The following BAIAP2 variants were observed in gnomAD, a reference collection of about 807,000 sequenced individuals.
BAIAP2 encodes the protein BAR/IMD domain-containing adapter protein 2.
Under a neutral mutation model 63.0 loss-of-function variants are expected in BAIAP2, and 18 were observed. The ratio of observed to expected loss-of-function variants is 0.29; its 90% confidence interval spans 0.20 to 0.42. The LOEUF (loss-of-function observed/expected upper bound fraction) is 0.42, where lower values mean the gene tolerates loss of function less well. BAIAP2 is among the 10% of genes least tolerant of loss of function. The pLI is 1.00. For missense variants in BAIAP2, 610 were observed against 734.3 expected, an observed-to-expected ratio of 0.83 and a Z score of 1.96; for synonymous variants, 386 against 307.6, an observed-to-expected ratio of 1.25 and a Z score of -2.67.
intron 3 of BAIAP2, among the ~76,000 whole-genome samples, chr17:81,072,382 C>T (rs2052845503): frequency 6.6e-6 from 1 of 152,246 alleles, no homozygotes; most frequent in Non-Finnish European, 1.5e-5. Context: ...GTCCCTATGT[C>T]CATGCCTTGT....
chr17:81,074,558 CCTGTTCGTGTGCGTGCATGGATGT>C (rs2053304354), intron 3 of BAIAP2, among the ~76,000 whole-genome samples: 1 of 138,884 alleles, frequency 7.2e-6, no homozygotes, highest in Non-Finnish European at 1.5e-5. Flanking sequence ...TGTGTGAGTG[CCTGTTCGTGTGCGTGCATGGATGT>C]GTGAGTGCCT....
chr17:81,062,892 G>A (rs1041512064), intron 3 of BAIAP2, among the ~76,000 whole-genome samples: 5 of 151,938 alleles, frequency 3.3e-5, no homozygotes, highest in Non-Finnish European at 7.4e-5. Context: ...CCTTGGTGCT[G>A]ATTTTATGTG....
chr17:81,103,917 C>T lies in BAIAP2; in HGVS notation c.875C>T (p.Ala292Val), dbSNP rs1358447063. The change falls in exon 9 of 14, where the codon GCC becomes GTC. Residue 292 changes from alanine (A) to valine (V), a missense_variant. Ala to Val is a moderately conservative substitution (Grantham distance 64, BLOSUM62 0). Transcript: ENST00000428708. Reference protein sequence around the residue: ...ELAPFVGRMSAQESTPIMNGV... With the variant: ...ELAPFVGRMSVQESTPIMNGV... ...CCTGCTTCCCTGCAGCGGATGTCTGCCCAGGAGAGCACACCCATCATGAAC... is the reference window on the plus strand; with the variant it reads ...CCTGCTTCCCTGCAGCGGATGTCTGTCCAGGAGAGCACACCCATCATGAAC... The T allele has an allele frequency of 1.1e-5, 18 of 1,612,954 alleles. No homozygotes were observed. Among genetic ancestry groups the T allele is most frequent in the Admixed American group, 1.7e-5 (1 of 60,028 alleles).
chr17:81,092,618 C>T (rs78751020), intron 6 of BAIAP2, among the ~76,000 whole-genome samples: 3,146 of 152,288 alleles, frequency 0.021, 115 homozygotes, highest in African/African-American at 0.073. Flanking sequence ...GGTCAGGGCA[C>T]TGGGGCTAGG....
At chr17:81,084,729 G>A in intron 3 of BAIAP2, 103 bp from the exon 4 acceptor site, 1 of 1,155,298 alleles carries the variant, frequency 8.7e-7, no homozygotes, top group Non-Finnish European at 1.3e-6. Flanking sequence ...TGCTGCCTGT[G>A]GTCACAGGGC....
intron 3 of BAIAP2, among the ~76,000 whole-genome samples, chr17:81,071,796 G>A (rs150228949): frequency 4.7e-4 from 71 of 152,358 alleles, no homozygotes; most frequent in Middle Eastern, 3.4e-3. Flanking sequence ...TCTGCCATCC[G>A]AGCTCTGTCC....
At chr17:81,093,689 C>T (rs1269556664) in intron 6 of BAIAP2, among the ~76,000 whole-genome samples, 1 of 152,138 alleles carries the variant, frequency 6.6e-6, no homozygotes, top group East Asian at 1.9e-4. Context: ...CTCCGGCTGC[C>T]CCCCATCTCT....
intron 3 of BAIAP2, among the ~76,000 whole-genome samples, chr17:81,078,392 A>G (rs1388356996): frequency 1.1e-5 from 1 of 91,072 alleles, no homozygotes; most frequent in Non-Finnish European, 2.2e-5. Context: ...CGGGTGCCGT[A>G]TTGGGTGGGA....
At position 81,103,962 on chromosome 17, in the gene BAIAP2, G is replaced by A. The variant is rs2058819288; in HGVS notation, c.920G>A (p.Gly307Asp). The A allele has an allele frequency of 6.2e-7, 1 of 1,613,064 alleles. No individual in the cohort carries two copies. Among genetic ancestry groups the A allele is most frequent in the Non-Finnish European group, 8.5e-7 (1 of 1,180,028 alleles). The stretch of plus-strand genomic sequence containing the variant: ...ATGAACGGCGTCACAGGCCCGGATG[G>A]CGAGGACTACAGCCCGTGGGCTGAC... ...PIMNGVTGPD[G>D]EDYSPWADRK... is the part of the protein sequence containing the mutation. The change falls in exon 9 of 14, where the codon GGC (glycine) becomes GAC (aspartate). Residue 307 changes from glycine to aspartate, a missense_variant. By Grantham distance (94) the Gly-to-Asp change is moderately conservative (BLOSUM62 -1). Transcript: ENST00000428708.
chr17:81,114,863 C>T (rs1250918539), intron 13 of BAIAP2, among the ~76,000 whole-genome samples: 1 of 152,230 alleles, frequency 6.6e-6, no homozygotes, highest in Non-Finnish European at 1.5e-5. Context: ...CTTGTGGACC[C>T]AGCTGTGCCA....
intron 1 of BAIAP2, among the ~76,000 whole-genome samples, chr17:81,038,194 C>T (rs915541421): frequency 6.6e-6 from 1 of 152,262 alleles, no homozygotes; most frequent in Non-Finnish European, 1.5e-5. Context: ...CTGCCTCCCC[C>T]GGTGGCCTTT....
intron 1 of BAIAP2, among the ~76,000 whole-genome samples, chr17:81,049,557 C>T (rs915699617): frequency 6.6e-6 from 1 of 152,246 alleles, no homozygotes; most frequent in Non-Finnish European, 1.5e-5. Context: ...TCCCCTGCCC[C>T]AGCACTGTCA....
intron 1 of BAIAP2, among the ~76,000 whole-genome samples, chr17:81,041,883 G>T (rs955179503): frequency 3.0e-4 from 45 of 152,274 alleles, no homozygotes; most frequent in African/African-American, 1.1e-3. Context: ...TGTTTGGGTA[G>T]ATTTTTCAAT....
At chr17:81,050,288 G>A (rs368763670) in intron 1 of BAIAP2, among the ~76,000 whole-genome samples, 11 of 152,224 alleles carry the variant, frequency 7.2e-5, no homozygotes, top group Admixed American at 6.5e-5. Flanking sequence ...CAGCACTTGC[G>A]TGTCCCGGCC....
chr17:81,067,665 A>G (rs947407130), intron 3 of BAIAP2, among the ~76,000 whole-genome samples: 6 of 152,190 alleles, frequency 3.9e-5, no homozygotes, highest in African/African-American at 1.4e-4. Flanking sequence ...TCACTCAGCA[A>G]GAGGCTCTGA....
intron 6 of BAIAP2, among the ~76,000 whole-genome samples, chr17:81,090,994 T>C (rs901995448): frequency 3.8e-4 from 58 of 152,250 alleles, no homozygotes; most frequent in African/African-American, 1.4e-3. Flanking sequence ...GGAACTGGGC[T>C]GGCTGGCCCC....
At chr17:81,078,677 C>T (rs1019338806) in intron 3 of BAIAP2, among the ~76,000 whole-genome samples, 1 of 148,794 alleles carries the variant, frequency 6.7e-6, no homozygotes, top group Admixed American at 6.7e-5. Flanking sequence ...GGTGCTGTCT[C>T]GGGTGGGAGC....
At chr17:81,042,860 A>C (rs1374901875) in intron 1 of BAIAP2, among the ~76,000 whole-genome samples, 1 of 151,312 alleles carries the variant, frequency 6.6e-6, no homozygotes, top group Non-Finnish European at 1.5e-5. Flanking sequence ...TGCTGCTTCC[A>C]GGCGGGGCTT....
chr17:81,036,705 G>T (rs2046317858), intron 1 of BAIAP2, among the ~76,000 whole-genome samples: 1 of 152,250 alleles, frequency 6.6e-6, no homozygotes, highest in African/African-American at 2.4e-5. Flanking sequence ...GAGTCGGCTT[G>T]GGAAAGGCAC....
Sources: gnomAD v4.1 joint callset for allele counts (sites outside exome capture counted in the v4.1 genomes callset) on GRCh38, gnomAD v4.1.1 for gene constraint, MANE v1.5 for transcripts, NCBI Gene and HGNC (gene_info 2026-07-23, HGNC 2026-07-21) for gene names.